Variants in NETO1 observed in about 807,000 individuals in gnomAD.
NETO1 encodes neuropilin and tolloid-like protein 1.
NETO1 carries 26 observed loss-of-function variants against 61.3 expected under a neutral mutation model. The observed-to-expected ratio is 0.42, with a 90% CI of 0.31 to 0.59. The LOEUF is 0.59. Among genes scored for constraint, NETO1 ranks in the 20% least tolerant of loss-of-function variants. The probability of loss-of-function intolerance (pLI) is 0.12; values close to 1 mark genes in which losing one functional copy is unlikely to be tolerated. For synonymous variants in NETO1, 225 were observed against 225.8 expected, an observed-to-expected ratio of 1.00 and a Z score of 0.03; for missense variants, 531 against 662.8, an observed-to-expected ratio of 0.80 and a Z score of 2.18.
chr18:72,745,539 A>G lies in NETO1; in HGVS notation c.*2640T>C, dbSNP rs2070412390. 6.6e-6 allele frequency: 1 copy of G among 152,256 alleles called. No homozygotes were observed. The highest frequency in any genetic ancestry group is 2.1e-4 in the South Asian group (1 of 4,834). The allele number at this position is 152,256 out of a possible 1,614,324, so 9.4% of individuals were successfully genotyped here. Reference sequence around the variant, plus strand: ...ATATTTGAATTCACTTTATCAAAAAATATAATCATTTATTAAAATAACATG... The same window carrying G: ...ATATTTGAATTCACTTTATCAAAAAGTATAATCATTTATTAAAATAACATG... On this transcript the variant is annotated 3_prime_UTR_variant, in exon 11 of 11. Coordinates refer to ENST00000327305, the MANE Select transcript of NETO1 (RefSeq NM_138966.5).
At chr18:72,801,687 C>T (rs1054287487) in intron 4 of NETO1, among the ~76,000 whole-genome samples, 2 of 152,160 alleles carry the variant, frequency 1.3e-5, no homozygotes, top group Non-Finnish European at 2.9e-5. Context: ...CACAGAAGCA[C>T]AGCAAGAATT....
intron 4 of NETO1, among the ~76,000 whole-genome samples, chr18:72,840,926 C>T (rs957238715): frequency 7.9e-5 from 12 of 152,154 alleles, no homozygotes; most frequent in African/African-American, 2.7e-4. Flanking sequence ...TTTGCAGAGT[C>T]CCACTAACCC....
intron 3 of NETO1, among the ~76,000 whole-genome samples, chr18:72,860,872 T>C (rs1041519408): frequency 6.6e-6 from 1 of 152,216 alleles, no homozygotes; most frequent in Non-Finnish European, 1.5e-5. Context: ...GTACTAAGTA[T>C]AGCGCTTGCA....
At chr18:72,815,578 A>G (rs751527506) in intron 4 of NETO1, among the ~76,000 whole-genome samples, 2 of 152,208 alleles carry the variant, frequency 1.3e-5, no homozygotes, top group Non-Finnish European at 2.9e-5. Flanking sequence ...TAATAAACAA[A>G]ATGCAATTAA....
At position 72,862,017 on chromosome 18, in the gene NETO1, G is replaced by A. The variant is rs377645040; in HGVS notation, c.220+2791C>T. On this transcript the variant is annotated intron_variant, in intron 3 of 10. Transcript: ENST00000327305. ...CACTCTGGCTGCTGTGGCATCGTGC[G>A]CACCTGACCCTCCTGCCTAACTCTC... is the stretch of plus-strand genomic sequence containing the variant. Among the ~76,000 whole-genome samples the A allele has an allele frequency of 1.7e-4, 26 of 152,174 alleles. No homozygotes were observed. In the East Asian group the frequency reaches 2.3e-3, roughly 14 times the overall value.
Position 72,749,043 on chromosome 18 carries a change from G to A in NETO1, c.1587C>T (p.Asn529=). The change falls in exon 10 of 11, where the codon AAC becomes AAT. Residue 529 remains asparagine, a synonymous_variant. Transcript: ENST00000327305. ...AATTTTCTTTCTAGACCCTAGTTGT[G>A]TTGTATTCAGATTCATGTTTGCTTA... ...GSLSKHESEY[N]TTRV The A allele has an allele frequency of 6.2e-7, 1 of 1,610,886 alleles. No homozygotes were observed.
At chr18:72,853,616 T>C (rs753423766) in intron 4 of NETO1, among the ~76,000 whole-genome samples, 1 of 151,872 alleles carries the variant, frequency 6.6e-6, no homozygotes, top group Non-Finnish European at 1.5e-5. Flanking sequence ...AAATCAGCCA[T>C]GCGTGGAGTT....
At chr18:72,839,771 A>C (rs1204658974) in intron 4 of NETO1, among the ~76,000 whole-genome samples, 2 of 139,764 alleles carry the variant, frequency 1.4e-5, no homozygotes, top group Non-Finnish European at 3.1e-5. Flanking sequence ...CCTGTGATCC[A>C]AATTTTCAAG....
At position 72,818,135 on chromosome 18, in the gene NETO1, T is replaced by C. The variant is rs183509258; in HGVS notation, c.470-23731A>G. On this transcript the variant is annotated intron_variant, in intron 4 of 10. Transcript: ENST00000327305. ...TTCAGTAGTTACTATTAATCAAAAA[T>C]GCATACAATCAGTAAAAACAAAACT... 3.1e-3 allele frequency among the ~76,000 whole-genome samples: 474 copies of C among 152,270 alleles called. 3 individuals are homozygous for C. The highest frequency in any genetic ancestry group is 0.014 in the Middle Eastern group (4 of 294).
Position 72,756,152 on chromosome 18 carries a change from AAAG to A in NETO1, c.869-8_869-6del, listed in dbSNP as rs778186101. 70 of 1,447,038 alleles carry A rather than the reference AAAG, an allele frequency of 4.8e-5. No individual in the cohort carries two copies. Among genetic ancestry groups the A allele is most frequent in the Middle Eastern group, 1.7e-4 (1 of 5,780 alleles). 89.6% of individuals were successfully genotyped at this position (1,447,038 alleles called of 1,614,324 possible). On this transcript the variant is annotated splice_polypyrimidine_tract_variant and splice_region_variant and intron_variant, in intron 7 of 10. Coordinates refer to ENST00000327305, the MANE Select transcript of NETO1 (RefSeq NM_138966.5). Reference sequence around the variant, plus strand: ...ATGTGTTGCCTTCACAAGGAGCTAAAAAGAAGAAGAACAAGACAAAGGAGGAAA... The same window carrying A: ...ATGTGTTGCCTTCACAAGGAGCTAAAAAGAAGAACAAGACAAAGGAGGAAA...
At chr18:72,848,159 G>A (rs1021937481) in intron 4 of NETO1, among the ~76,000 whole-genome samples, 8 of 152,064 alleles carry the variant, frequency 5.3e-5, no homozygotes, top group Non-Finnish European at 7.4e-5. Flanking sequence ...ACTTGATGGC[G>A]ACATTAATTT....
intron 4 of NETO1, among the ~76,000 whole-genome samples, chr18:72,806,276 A>C (rs1172644168): frequency 6.6e-6 from 1 of 152,138 alleles, no homozygotes; most frequent in Non-Finnish European, 1.5e-5. Context: ...AGGAGAAAAC[A>C]ATCAGGGACA....
chr18:72,856,649 GA>G (rs2074418835), intron 4 of NETO1, among the ~76,000 whole-genome samples: 1 of 152,172 alleles, frequency 6.6e-6, no homozygotes, highest in African/African-American at 2.4e-5. Context: ...GCAAAGAAAA[GA>G]AAAGCCAGAA....
rs377601327 is a variant in NETO1, at chr18:72,775,614, T to A, written c.868+8064A>T. Among the ~76,000 whole-genome samples, 16 of 152,288 alleles carry A rather than the reference T, an allele frequency of 1.1e-4. No homozygotes were observed. The East Asian group carries it at 1.7e-3, about 17-fold the overall frequency. On this transcript the variant is annotated intron_variant, in intron 7 of 10. Coordinates refer to ENST00000327305, the MANE Select transcript of NETO1 (RefSeq NM_138966.5). ...GAATCAAAATTCAGTCTGTAATCAC[T>A]CAAAACAATGCTGACATATGAGAAT...
intron 7 of NETO1, among the ~76,000 whole-genome samples, chr18:72,780,670 T>C (rs946376801): frequency 6.6e-6 from 1 of 152,186 alleles, no homozygotes; most frequent in Admixed American, 6.5e-5. Context: ...ATATCACAAC[T>C]CACAAGATGA....
At chr18:72,817,630 T>G (rs1323237220) in intron 4 of NETO1, among the ~76,000 whole-genome samples, 3 of 152,238 alleles carry the variant, frequency 2.0e-5, no homozygotes, top group Non-Finnish European at 4.4e-5. Context: ...CACCAAGTAT[T>G]AATACCGAAT....
intron 4 of NETO1, among the ~76,000 whole-genome samples, chr18:72,810,933 A>G (rs2072846977): frequency 1.3e-5 from 2 of 152,188 alleles, no homozygotes; most frequent in African/African-American, 4.8e-5. Flanking sequence ...CTGCTTTTAG[A>G]CTTTTCATTT....
Position 72,792,309 on chromosome 18 carries a change from T to A in NETO1, c.639+1808A>T, listed in dbSNP as rs140711106. 3.5e-3 allele frequency among the ~76,000 whole-genome samples: 531 copies of A among 152,140 alleles called. 9 individuals carry two copies. The East Asian group carries it at 0.038, about 11-fold the overall frequency. On this transcript the variant is annotated intron_variant, in intron 6 of 10. Transcript: ENST00000327305. ...AGTTAGCCAAGTGTGGTGGCACACA[T>A]CTGTAATTCCCGAAGCAAGAAAATC...
intron 4 of NETO1, among the ~76,000 whole-genome samples, chr18:72,805,938 A>C (rs1324614667): frequency 6.6e-6 from 1 of 152,210 alleles, no homozygotes; most frequent in Non-Finnish European, 1.5e-5. Flanking sequence ...TGAATTTCAG[A>C]GATCAAGATC....
Sources: allele counts gnomAD v4.1 joint callset (sites outside exome capture counted in the v4.1 genomes callset), GRCh38; gene constraint gnomAD v4.1.1; transcripts MANE v1.5; gene names NCBI Gene and HGNC (gene_info 2026-07-23, HGNC 2026-07-21).